Variants in SMARCA2 observed in about 807,000 individuals in gnomAD.
SMARCA2 encodes the protein SWI/SNF-related matrix-associated actin-dependent regulator of chromatin subfamily A member 2.
Under a neutral mutation model 199.8 loss-of-function variants are expected in SMARCA2, and 61 were observed. The observed-to-expected ratio is 0.31, with a 90% CI of 0.25 to 0.38. The LOEUF (loss-of-function observed/expected upper bound fraction) is 0.38, where lower values mean the gene tolerates loss of function less well. Among genes scored for constraint, SMARCA2 ranks in the 10% least tolerant of loss-of-function variants. The pLI is 1.00. For synonymous variants in SMARCA2, 935 were observed against 732.0 expected, an observed-to-expected ratio of 1.28 and a Z score of -4.48; for missense variants, 1,344 against 2,012.2, an observed-to-expected ratio of 0.67 and a Z score of 6.35.
chr9:2,053,482 G>A (rs1466706748), intron 5 of SMARCA2, among the ~76,000 whole-genome samples: 3 of 152,284 alleles, frequency 2.0e-5, no homozygotes, highest in Non-Finnish European at 2.9e-5. Context: ...TACTAGCTCT[G>A]TGGTATCTCC....
chr9:2,116,140 T>G, intron 25 of SMARCA2, 91 bp downstream of exon 25: 1 of 923,862 alleles, frequency 1.1e-6, no homozygotes, highest in Admixed American at 2.2e-5. Flanking sequence ...AAAAACTTCC[T>G]GGGCTGGCGT....
chr9:2,186,284 G>C, intron 32 of SMARCA2, 56 bp downstream of exon 32: 2 of 1,544,754 alleles, frequency 1.3e-6, no homozygotes, highest in Non-Finnish European at 1.8e-6. Flanking sequence ...CTGCATAGCT[G>C]TCTCCACAGA....
intron 3 of SMARCA2, among the ~76,000 whole-genome samples, chr9:2,034,772 G>C (rs1563720822): frequency 6.6e-6 from 1 of 152,154 alleles, no homozygotes; most frequent in Admixed American, 6.5e-5. Context: ...ATTTGAACAG[G>C]CTTTTGAACA....
In SMARCA2 at chr9:2,110,260, C is replaced by A; in HGVS notation, c.3299C>A (p.Thr1100Asn). ...ATTTTTCTGATCCCCTCAGGCACCA[C>A]CAAGTCTGAAGATCGTGCTGCTTTG... is the stretch of plus-strand genomic sequence containing the variant. ...NFLYLRLDGTTKSEDRAALLK... is the reference protein window; with the variant it reads ...NFLYLRLDGTNKSEDRAALLK... Residue 1100 changes from threonine (T) to asparagine (N), a missense_variant, in exon 24 of 34, where the codon ACC (threonine) becomes AAC (asparagine). Physicochemically the swap from Thr to Asn is moderately conservative, Grantham distance 65. This residue lies in a region of SMARCA2 where 98 missense variants were observed against 245.6 expected (regional missense o/e 0.40). Transcript: ENST00000349721. The surrounding 1 kb of genome is among the most constrained non-coding windows in gnomAD (Gnocchi z 4.8). 1 of 1,610,298 alleles carries A rather than the reference C, an allele frequency of 6.2e-7. No individual in the cohort carries two copies. Among genetic ancestry groups the A allele is most frequent in the Non-Finnish European group, 8.5e-7 (1 of 1,178,474 alleles).
chr9:2,039,038 C>T lies in SMARCA2; in HGVS notation c.356-428C>T, dbSNP rs1463284170. 1.3e-5 allele frequency among the ~76,000 whole-genome samples: 2 copies of T among 152,084 alleles called. No homozygotes were observed. Among genetic ancestry groups the T allele is most frequent in the Non-Finnish European group, 2.9e-5 (2 of 68,018 alleles). ...ACCACTAACGGTTTACCTTCTAGGA[C>T]ACATGTAGCTATTGATCACTTGAAG... On this transcript the variant is annotated intron_variant, in intron 3 of 33. Coordinates refer to ENST00000349721, the MANE Select transcript of SMARCA2 (RefSeq NM_003070.5). The surrounding 1 kb of genome is among the most constrained non-coding windows in gnomAD (Gnocchi z 4.8).
At chr9:2,029,607 A>G (rs899169831) in intron 2 of SMARCA2, among the ~76,000 whole-genome samples, 21 of 152,226 alleles carry the variant, frequency 1.4e-4, no homozygotes, top group African/African-American at 4.6e-4. Context: ...TAATGAACAT[A>G]CTGAAAATTA....
intron 3 of SMARCA2, among the ~76,000 whole-genome samples, chr9:2,034,336 C>G (rs1819222298): frequency 6.6e-6 from 1 of 150,608 alleles, no homozygotes. Context: ...GGAGGGGGAA[C>G]ACAATTCAAC....
In SMARCA2 at chr9:2,169,704, A is replaced by G. The variant is rs16937815; in HGVS notation, c.4200-715A>G. ...AGAGGGTATGGAGGGTCTTCCCAGG[A>G]TCTGTGAAACCTGGCAGCTGCTTCC... is the stretch of plus-strand genomic sequence containing the variant. On this transcript the variant is annotated intron_variant, in intron 28 of 33. Coordinates refer to ENST00000349721, the MANE Select transcript of SMARCA2 (RefSeq NM_003070.5). The surrounding 1 kb of genome is among the most constrained non-coding windows in gnomAD (Gnocchi z 6.5). Among the ~76,000 whole-genome samples the G allele has an allele frequency of 0.051, 7,801 of 152,068 alleles. 693 individuals are homozygous for G. Among genetic ancestry groups the G allele is most frequent in the African/African-American group, 0.18 (7,338 of 41,440 alleles).
At chr9:2,025,461 G>C (rs1818786692) in intron 1 of SMARCA2, among the ~76,000 whole-genome samples, 1 of 152,150 alleles carries the variant, frequency 6.6e-6, no homozygotes, top group South Asian at 2.1e-4. Context: ...AATAAAAATA[G>C]ATTTTGTGTG....
intron 27 of SMARCA2, among the ~76,000 whole-genome samples, chr9:2,131,085 A>G (rs1175365064): frequency 1.3e-5 from 2 of 152,156 alleles, no homozygotes; most frequent in African/African-American, 2.4e-5. Flanking sequence ...ACATTTAGTG[A>G]TATCCCTGAA....
At chr9:2,046,604 T>C (rs1312472537) in intron 4 of SMARCA2, among the ~76,000 whole-genome samples, 1 of 152,234 alleles carries the variant, frequency 6.6e-6, no homozygotes, top group Non-Finnish European at 1.5e-5. Flanking sequence ...ATCAGAAGAC[T>C]GATAAACTCG....
chr9:2,127,756 C>T (rs1823760722), intron 27 of SMARCA2, among the ~76,000 whole-genome samples: 1 of 152,210 alleles, frequency 6.6e-6, no homozygotes, highest in Non-Finnish European at 1.5e-5. Flanking sequence ...CCTCAGCACA[C>T]TTAGGTTAAA....
intron 7 of SMARCA2, among the ~76,000 whole-genome samples, 188 bp downstream of exon 7, chr9:2,057,033 C>T (rs116163154): frequency 2.1e-4 from 32 of 152,242 alleles, no homozygotes; most frequent in African/African-American, 5.1e-4. Context: ...TAAGCCAGGA[C>T]GTATAAATGA....
At chr9:2,116,517 C>T (rs1237814760) in intron 25 of SMARCA2, among the ~76,000 whole-genome samples, 2 of 152,180 alleles carry the variant, frequency 1.3e-5, no homozygotes, top group South Asian at 2.1e-4. Flanking sequence ...AGCCATCTTC[C>T]GCACATTTAG....
At chr9:2,055,981 A>C (rs1273841027) in intron 6 of SMARCA2, among the ~76,000 whole-genome samples, 1 of 152,230 alleles carries the variant, frequency 6.6e-6, no homozygotes, top group Non-Finnish European at 1.5e-5. Flanking sequence ...ACTGTAACTA[A>C]TGATATTTCA....
intron 1 of SMARCA2, among the ~76,000 whole-genome samples, chr9:2,020,419 A>T (rs1437830400): frequency 6.6e-6 from 1 of 152,178 alleles, no homozygotes; most frequent in African/African-American, 2.4e-5. Flanking sequence ...GAAAATACAC[A>T]TGGTGGTAAT....
At chr9:2,090,241 A>G (rs1440713809) in intron 19 of SMARCA2, among the ~76,000 whole-genome samples, 1 of 152,190 alleles carries the variant, frequency 6.6e-6, no homozygotes, top group Non-Finnish European at 1.5e-5. Context: ...TCTACCCTCA[A>G]ATGATCACGA....
intron 22 of SMARCA2, among the ~76,000 whole-genome samples, chr9:2,103,657 TGTGTGAGA>T (rs945624026): frequency 9.1e-5 from 13 of 142,580 alleles, no homozygotes; most frequent in African/African-American, 4.0e-4. Context: ...TGTGTGTGTG[TGTGTGAGA>T]GAGAGAGAGA....
chr9:2,138,711 T>G (rs1824323957), intron 27 of SMARCA2, among the ~76,000 whole-genome samples: 1 of 152,128 alleles, frequency 6.6e-6, no homozygotes, highest in Non-Finnish European at 1.5e-5. Flanking sequence ...GTCTCAGAGC[T>G]TCAGTTTCCC....
Sources: allele counts gnomAD v4.1 joint callset (sites outside exome capture counted in the v4.1 genomes callset), GRCh38; gene constraint gnomAD v4.1.1; regional missense constraint gnomAD v4.1.1; non-coding constraint Gnocchi (gnomAD v3.1); transcripts MANE v1.5; gene names NCBI Gene and HGNC (gene_info 2026-07-23, HGNC 2026-07-21).